CTNNA1: variants seen among roughly 807,000 people sequenced by gnomAD.
CTNNA1 encodes the protein catenin alpha 1.
CTNNA1 carries 37 observed loss-of-function variants against 98.4 expected under a neutral mutation model. The ratio of observed to expected loss-of-function variants is 0.38; its 90% CI spans 0.29 to 0.49. The LOEUF (loss-of-function observed/expected upper bound fraction) is 0.49. Among genes scored for constraint, CTNNA1 ranks in the 20% least tolerant of loss-of-function variants. The pLI is 0.95. For missense variants in CTNNA1, 761 were observed against 1,147.2 expected, an observed-to-expected ratio of 0.66 and a Z score of 4.86; for synonymous variants, 404 against 413.2, an observed-to-expected ratio of 0.98 and a Z score of 0.27.
chr5:138,841,868 A>G (rs1029129571), intron 7 of CTNNA1, among the ~76,000 whole-genome samples: 3 of 152,206 alleles, frequency 2.0e-5, no homozygotes, highest in African/African-American at 4.8e-5. Context: ...TCGTATTTCA[A>G]GGCTTCCTTA....
intron 1 of CTNNA1, among the ~76,000 whole-genome samples, chr5:138,772,601 C>A (rs1753667681): frequency 6.6e-6 from 1 of 152,142 alleles, no homozygotes; most frequent in Non-Finnish European, 1.5e-5. Context: ...TACTATCTGC[C>A]CTGCATAAAG....
chr5:138,924,003 C>G (rs1326608002), intron 11 of CTNNA1, among the ~76,000 whole-genome samples: 1 of 152,204 alleles, frequency 6.6e-6, no homozygotes, highest in African/African-American at 2.4e-5. Context: ...GAGGAGGCTT[C>G]AACCTGCTTT....
chr5:138,772,827 AG>A (rs1753691100), intron 1 of CTNNA1, among the ~76,000 whole-genome samples: 1 of 147,488 alleles, frequency 6.8e-6, no homozygotes, highest in Non-Finnish European at 1.5e-5. Context: ...TTCATTTTAT[AG>A]ATAGATGAAA....
chr5:138,783,062 G>A (rs1229889895), intron 2 of CTNNA1, 115 bp from the exon 3 acceptor site: 2 of 749,976 alleles, frequency 2.7e-6, no homozygotes, highest in South Asian at 2.4e-5. Context: ...GTATGTTAAT[G>A]TTCAGTGGAA....
chr5:138,932,737 G>T (rs925283388), intron 17 of CTNNA1, 25 bp downstream of exon 17: 4 of 1,613,482 alleles, frequency 2.5e-6, no homozygotes, highest in Non-Finnish European at 3.4e-6. Context: ...AACAAAAAGA[G>T]GGCCAGTGGG....
chr5:138,777,243 C>T (rs1317888631), intron 1 of CTNNA1, among the ~76,000 whole-genome samples: 1 of 151,840 alleles, frequency 6.6e-6, no homozygotes, highest in African/African-American at 2.4e-5. Flanking sequence ...GAGGCGCTCC[C>T]CACATCTCAG....
At chr5:138,753,968 G>C (rs1032841201) in intron 1 of CTNNA1, 3 of 152,310 alleles carry the variant, frequency 2.0e-5, no homozygotes, top group Non-Finnish European at 4.4e-5. Flanking sequence ...AGTGATTGTC[G>C]TCCGGCTCCG....
intron 14 of CTNNA1, among the ~76,000 whole-genome samples, chr5:138,930,111 G>A (rs1764983136): frequency 6.6e-6 from 1 of 152,180 alleles, no homozygotes; most frequent in African/African-American, 2.4e-5. Context: ...ATGTCCATCA[G>A]GGCCCACCAG....
chr5:138,924,282 G>GTTTT (rs750282557), intron 11 of CTNNA1, among the ~76,000 whole-genome samples: 14 of 141,406 alleles, frequency 9.9e-5, no homozygotes, highest in Non-Finnish European at 1.5e-4. Context: ...TTTATTTTTT[G>GTTTT]TTTTTTTTTT....
intron 7 of CTNNA1, chr5:138,880,085 G>A (rs1391379895): frequency 3.9e-5 from 6 of 152,146 alleles, no homozygotes; most frequent in Admixed American, 3.9e-4. Context: ...TTGGACAGAT[G>A]AACGTTTATA....
At chr5:138,808,107 AT>A (rs1442455677) in intron 3 of CTNNA1, among the ~76,000 whole-genome samples, 1 of 152,142 alleles carries the variant, frequency 6.6e-6, no homozygotes, top group Non-Finnish European at 1.5e-5. Context: ...GGCTTTTCAG[AT>A]AAATTCTTCC....
chr5:138,767,982 A>T (rs746223397), intron 1 of CTNNA1, among the ~76,000 whole-genome samples: 1 of 152,200 alleles, frequency 6.6e-6, no homozygotes, highest in Admixed American at 6.5e-5. Flanking sequence ...ATTGAATCAG[A>T]ATCTGTGTTT....
At chr5:138,794,887 C>T (rs375064384) in intron 3 of CTNNA1, among the ~76,000 whole-genome samples, 2 of 152,134 alleles carry the variant, frequency 1.3e-5, no homozygotes, top group African/African-American at 2.4e-5. Flanking sequence ...ATCAGGCCCA[C>T]GCCTGTAATT....
intron 3 of CTNNA1, among the ~76,000 whole-genome samples, chr5:138,804,235 A>G (rs1757859769): frequency 6.6e-6 from 1 of 152,238 alleles, no homozygotes. Context: ...ACTTAGGCCT[A>G]TATCCAGCTC....
At chr5:138,769,045 T>C (rs1180136371) in intron 1 of CTNNA1, among the ~76,000 whole-genome samples, 1 of 152,014 alleles carries the variant, frequency 6.6e-6, no homozygotes, top group East Asian at 1.9e-4. Flanking sequence ...TTCTTTCTTG[T>C]TTTCTTTCTT....
At chr5:138,802,617 A>C (rs1295995428) in intron 3 of CTNNA1, among the ~76,000 whole-genome samples, 1 of 152,144 alleles carries the variant, frequency 6.6e-6, no homozygotes, top group East Asian at 1.9e-4. Flanking sequence ...ATCAGGTTGC[A>C]CTGTTTCAGC....
At chr5:138,868,832 A>C (rs1041221012) in intron 7 of CTNNA1, 12 of 152,176 alleles carry the variant, frequency 7.9e-5, no homozygotes, top group African/African-American at 2.9e-4. Context: ...ACAACTGTTC[A>C]TTTAAGATTT....
At chr5:138,865,936 G>A (rs975420232) in intron 7 of CTNNA1, among the ~76,000 whole-genome samples, 5 of 152,304 alleles carry the variant, frequency 3.3e-5, no homozygotes, top group Admixed American at 2.0e-4. Context: ...ATTTGACAGC[G>A]AGGCAATGGG....
chr5:138,924,633 C>A lies in CTNNA1; in HGVS notation c.1670C>A (p.Thr557Asn). Residue 557 changes from threonine to asparagine, a missense_variant, in exon 12 of 18, where the codon ACC (threonine) becomes AAC (asparagine). Thr to Asn is a moderately conservative substitution (Grantham distance 65, BLOSUM62 0). Coordinates refer to ENST00000302763, the MANE Select transcript of CTNNA1 (RefSeq NM_001903.5). Reference sequence around the variant, plus strand: ...GCAGCCCGGGTCATTCACGTAGTCACCTCAGAGATGGACAACTATGAGCCA... The same window carrying A: ...GCAGCCCGGGTCATTCACGTAGTCAACTCAGAGATGGACAACTATGAGCCA... ...GRAARVIHVVTSEMDNYEPGV... is the reference protein window; with the variant it reads ...GRAARVIHVVNSEMDNYEPGV... 6.2e-7 allele frequency: 1 copy of A among 1,612,962 alleles called. No homozygotes were observed. Among genetic ancestry groups the A allele is most frequent in the Non-Finnish European group, 8.5e-7 (1 of 1,179,524 alleles).
Sources: gnomAD v4.1 joint callset for allele counts (sites outside exome capture counted in the v4.1 genomes callset) on GRCh38, gnomAD v4.1.1 for gene constraint, MANE v1.5 for transcripts, NCBI Gene and HGNC (gene_info 2026-07-23, HGNC 2026-07-21) for gene names.